Variants in EVI5 observed in about 807,000 individuals in gnomAD.
The protein encoded by EVI5 is ecotropic viral integration site 5.
A neutral mutation model predicts 112.0 loss-of-function variants in EVI5; 73 were observed. That is an observed-to-expected ratio of 0.65 (90% confidence interval 0.54 to 0.79). The LOEUF is 0.79. Among genes scored for constraint, EVI5 ranks in the 30% least tolerant of loss-of-function variants. The pLI is 0.00. For missense variants in EVI5, 900 were observed against 968.8 expected (o/e 0.93, Z 0.94); for synonymous variants, 305 against 319.9 (o/e 0.95, Z 0.50).
In EVI5 at chr1:92,747,084, G is replaced by A. The variant is rs937079929; in HGVS notation, c.-81-10457C>T. Among the ~76,000 whole-genome samples the A allele has an allele frequency of 1.4e-4, 21 of 152,104 alleles. 1 individual carries two copies. The South Asian group carries it at 4.4e-3, about 32-fold the overall frequency. ...CACAGGTTCCACATCCGCAGGTTCT[G>A]AACCAACCATGCATCACAAATATTC... On this transcript the variant is annotated intron_variant, in intron 1 of 19. Transcript: ENST00000684568.
intron 13 of EVI5, among the ~76,000 whole-genome samples, chr1:92,659,155 AAAAC>A (rs1663537664): frequency 2.0e-5 from 3 of 152,210 alleles, no homozygotes; most frequent in Non-Finnish European, 4.4e-5. Context: ...AGCCTAGAAG[AAAAC>A]CTGGGAAGAA....
intron 19 of EVI5, among the ~76,000 whole-genome samples, chr1:92,538,835 A>G (rs1664307386): frequency 6.6e-6 from 1 of 152,126 alleles, no homozygotes; most frequent in African/African-American, 2.4e-5. Context: ...AAGGCCAGAG[A>G]ATGTATTATG....
intron 2 of EVI5, among the ~76,000 whole-genome samples, chr1:92,735,815 ATAT>A (rs571876668): frequency 0.019 from 2,712 of 144,300 alleles, 103 homozygotes; most frequent in African/African-American, 0.064. Context: ...TGTATATTAT[ATAT>A]TATTATAATA....
intron 9 of EVI5, among the ~76,000 whole-genome samples, chr1:92,679,906 T>A (rs1320587408): frequency 6.6e-6 from 1 of 152,200 alleles, no homozygotes; most frequent in Non-Finnish European, 1.5e-5. Context: ...GGGTACAAAC[T>A]ATCAACAGAA....
chr1:92,541,455 A>C (rs1407570888), intron 19 of EVI5, among the ~76,000 whole-genome samples: 4 of 152,170 alleles, frequency 2.6e-5, no homozygotes, highest in African/African-American at 9.6e-5. Flanking sequence ...AATCGAAAAA[A>C]TAAATAATAA....
intron 10 of EVI5, among the ~76,000 whole-genome samples, chr1:92,666,264 C>A (rs79696545): frequency 0.026 from 3,949 of 151,620 alleles, 151 homozygotes; most frequent in African/African-American, 0.082. Flanking sequence ...GGCAACATGG[C>A]GAAACCTCGT....
Position 92,738,067 on chromosome 1 carries a change from G to A in EVI5, c.-81-1440C>T, listed in dbSNP as rs75565113. Among the ~76,000 whole-genome samples, 874 of 152,292 alleles carry A rather than the reference G, an allele frequency of 5.7e-3. 10 individuals carry two copies. The highest frequency in any genetic ancestry group is 0.02 in the African/African-American group (819 of 41,556). On this transcript the variant is annotated intron_variant, in intron 1 of 19. Transcript: ENST00000684568. ...TAAGAAAGAGAAGCATGAGGTGATC[G>A]TTTATGCCTGCTTCCAGGCAAAAGA...
Position 92,784,919 on chromosome 1 carries a change from C to G in EVI5, c.-165G>C, listed in dbSNP as rs1685421984. 2.0e-6 allele frequency: 2 copies of G among 986,396 alleles called. 1 individual carries two copies. The highest frequency in any genetic ancestry group is 1.2e-4 in the Admixed American group (2 of 16,282). The allele number at this position is 986,396 out of a possible 1,614,324, so 61.1% of individuals were successfully genotyped here. On this transcript the variant is annotated 5_prime_UTR_variant, in exon 1 of 20. Coordinates refer to ENST00000684568, the MANE Select transcript of EVI5 (RefSeq NM_001350197.2). ...GCGCCGCCGCGTCTCAGCGCCTCGG[C>G]CCCGCTCCTGGCTCCACGGGTCGCC...
intron 19 of EVI5, among the ~76,000 whole-genome samples, chr1:92,542,590 C>A (rs1317650982): frequency 6.6e-6 from 1 of 152,220 alleles, no homozygotes; most frequent in Admixed American, 6.5e-5. Flanking sequence ...AGAGGAATCA[C>A]TATATATGGC....
At chr1:92,673,583 C>T (rs1326037814) in intron 10 of EVI5, among the ~76,000 whole-genome samples, 2 of 152,102 alleles carry the variant, frequency 1.3e-5, no homozygotes, top group African/African-American at 4.8e-5. Context: ...CTGCCTGCCT[C>T]GGCCTCCCAA....
At chr1:92,701,438 C>T (rs1028465357) in intron 5 of EVI5, among the ~76,000 whole-genome samples, 2 of 152,222 alleles carry the variant, frequency 1.3e-5, no homozygotes, top group African/African-American at 2.4e-5. Context: ...ATGTGCAGAA[C>T]TGAGTTGCAA....
chr1:92,728,466 C>A (rs1214091448), intron 2 of EVI5, among the ~76,000 whole-genome samples: 2 of 151,718 alleles, frequency 1.3e-5, no homozygotes, highest in Admixed American at 1.3e-4. Flanking sequence ...CTGCTCACTG[C>A]AATCTCTGTC....
At chr1:92,631,524 T>C (rs556301382) in intron 14 of EVI5, among the ~76,000 whole-genome samples, 5 of 152,320 alleles carry the variant, frequency 3.3e-5, no homozygotes, top group African/African-American at 9.6e-5. Flanking sequence ...TTTTGCACAC[T>C]GATTTTGTAT....
intron 19 of EVI5, 55 bp from the exon 20 acceptor site, chr1:92,514,025 C>A: frequency 9.6e-7 from 1 of 1,040,032 alleles, no homozygotes. Flanking sequence ...ACACACACGC[C>A]AAAAAGCAAA....
At chr1:92,622,658 T>C (rs1463037572) in intron 16 of EVI5, among the ~76,000 whole-genome samples, 3 of 152,248 alleles carry the variant, frequency 2.0e-5, no homozygotes, top group African/African-American at 7.2e-5. Flanking sequence ...TTTTTATTTA[T>C]TTATTTTTCA....
chr1:92,653,547 C>T (rs902061910), intron 13 of EVI5, among the ~76,000 whole-genome samples: 1 of 152,244 alleles, frequency 6.6e-6, no homozygotes, highest in Non-Finnish European at 1.5e-5. Flanking sequence ...TCCTCCTCAA[C>T]CCCACTGCTG....
At chr1:92,719,682 G>A (rs1231252294) in intron 2 of EVI5, among the ~76,000 whole-genome samples, 2 of 151,980 alleles carry the variant, frequency 1.3e-5, no homozygotes, top group Non-Finnish European at 2.9e-5. Context: ...ACATACTGTT[G>A]GAAGTTCTCG....
intron 13 of EVI5, chr1:92,647,739 A>G (rs973992179): frequency 1.2e-5 from 2 of 172,160 alleles, no homozygotes; most frequent in African/African-American, 2.4e-5. Flanking sequence ...GGTCAATAAC[A>G]TTTTTTGAGG....
chr1:92,640,775 C>T (rs532716618), intron 13 of EVI5, among the ~76,000 whole-genome samples: 12 of 152,274 alleles, frequency 7.9e-5, no homozygotes, highest in African/African-American at 2.9e-4. Context: ...AAGACACATA[C>T]ATACATATGT....
Sources: gnomAD v4.1 joint callset for allele counts (sites outside exome capture counted in the v4.1 genomes callset) on GRCh38, gnomAD v4.1.1 for gene constraint, MANE v1.5 for transcripts, NCBI Gene and HGNC (gene_info 2026-07-23, HGNC 2026-07-21) for gene names.